Variants in TNXB observed in about 807,000 individuals in gnomAD.
The protein encoded by TNXB is tenascin-X.
TNXB carries 183 observed loss-of-function variants against 340.5 expected under a neutral mutation model. The observed-to-expected ratio is 0.54, with a 90% CI of 0.48 to 0.61. TNXB has a LOEUF of 0.61. Among genes scored for constraint, TNXB ranks in the 20% least tolerant of loss-of-function variants. TNXB has a pLI of 0.00. For synonymous variants in TNXB, 2,121 were observed against 2,314.5 expected, an observed-to-expected ratio of 0.92 and a Z score of 2.40; for missense variants, 4,613 against 5,446.4, an observed-to-expected ratio of 0.85 and a Z score of 4.82.
In TNXB at chr6:32,046,361, C is replaced by A; in HGVS notation, c.10420G>T (p.Gly3474Cys). Residue 3474 changes from glycine (G) to cysteine (C), a missense_variant, in exon 31 of 44, where the codon GGC (glycine) becomes TGC (cysteine). Physicochemically the swap from Gly to Cys is radical, Grantham distance 159. Around this residue, in one of 7 missense-constraint regions of TNXB, gnomAD observed 4,327 missense variants for 4,859.4 expected, o/e 0.89. Transcript: ENST00000644971. This position sits in a 1 kb window ranked among gnomAD's most constrained non-coding sequence, Gnocchi z 6.9. The part of the protein sequence containing the change: ...SLRLSWTVAQ[G>C]PFDSFVVQYR... ...TGGACCACGAAGGAGTCAAAGGGGC[C>A]CTGGGCTACCGTCCAGGACAGGCGC... 6.2e-7 allele frequency: 1 copy of A among 1,604,536 alleles called. No homozygotes were observed. Among genetic ancestry groups the A allele is most frequent in the South Asian group, 1.1e-5 (1 of 89,526 alleles).
chr6:32,076,310 G>A (rs1779077292), intron 11 of TNXB, among the ~76,000 whole-genome samples: 1 of 152,160 alleles, frequency 6.6e-6, no homozygotes, highest in Non-Finnish European at 1.5e-5. Flanking sequence ...ATTTAGAAGT[G>A]TGTCTAATGA....
Position 32,089,374 on chromosome 6 carries a change from C to T in TNXB, c.2364G>A (p.Glu788=). The T allele has an allele frequency of 6.2e-7, 1 of 1,605,366 alleles. No homozygotes were observed. The highest frequency in any genetic ancestry group is 8.5e-7 in the Non-Finnish European group (1 of 1,177,200). ...GTGCTGTGAATGGGGGGCTCGCCCC[C>T]TCTGTCTGTGAGAGAGAGCACCAGG... The part of the protein sequence containing the change: ...AYEIQFIPTT[E]GASPPFTARV... The change falls in exon 5 of 44, where the codon GAG becomes GAA. Residue 788 remains glutamate (E), a synonymous_variant. Transcript: ENST00000644971. This position sits in a 1 kb window ranked among gnomAD's most constrained non-coding sequence, Gnocchi z 6.2.
rs1777157215 is a variant in TNXB, at chr6:32,049,865, G to A, written c.9439+133C>T. On this transcript the variant is annotated intron_variant, in intron 27 of 43. Coordinates refer to ENST00000644971, the MANE Select transcript of TNXB (RefSeq NM_001365276.2). The surrounding 1 kb of genome is among the most constrained non-coding windows in gnomAD (Gnocchi z 4.5). ...TCAACCACATAGGAAGGCCCAAGGG[G>A]AGTCCCAGCCCCAGCCACAAGCAGT... The A allele has an allele frequency of 7.1e-7, 1 of 1,414,524 alleles. No individual in the cohort carries two copies. Among genetic ancestry groups the A allele is most frequent in the Non-Finnish European group, 9.7e-7 (1 of 1,034,730 alleles). 87.6% of individuals were successfully genotyped at this position (1,414,524 alleles called of 1,614,324 possible).
chr6:32,069,215 G>A lies in TNXB; in HGVS notation c.5588-79C>T. On this transcript the variant is annotated intron_variant, in intron 15 of 43. Coordinates refer to ENST00000644971, the MANE Select transcript of TNXB (RefSeq NM_001365276.2). The surrounding 1 kb of genome is among the most constrained non-coding windows in gnomAD (Gnocchi z 6.2). Reference sequence around the variant, plus strand: ...CTCTCAGGAGGAGTGAGGGAGGAGAGGGAGTGAGGGCAAGCAGTCAGCAAT... The same window carrying A: ...CTCTCAGGAGGAGTGAGGGAGGAGAAGGAGTGAGGGCAAGCAGTCAGCAAT... 1 of 1,395,490 alleles carries A rather than the reference G, an allele frequency of 7.2e-7. No individual in the cohort carries two copies. Among genetic ancestry groups the A allele is most frequent in the Non-Finnish European group, 9.7e-7 (1 of 1,035,750 alleles). The allele number at this position is 1,395,490 out of a possible 1,614,324, so 86.4% of individuals were successfully genotyped here.
rs1776962485 is a variant in TNXB, at chr6:32,047,415, T to C, written c.10324+319A>G. ...GAGTCCAGCGCCATTCCCAGCATTA[T>C]GCAGGTGAGGACACTGAGGTCCCGG... On this transcript the variant is annotated intron_variant, in intron 30 of 43. Coordinates refer to ENST00000644971, the MANE Select transcript of TNXB (RefSeq NM_001365276.2). The surrounding 1 kb of genome is among the most constrained non-coding windows in gnomAD (Gnocchi z 6.2). Among the ~76,000 whole-genome samples, 2 of 152,308 alleles carry C rather than the reference T, an allele frequency of 1.3e-5. No homozygotes were observed. The highest frequency in any genetic ancestry group is 6.5e-5 in the Admixed American group (1 of 15,306).
intron 23 of TNXB, among the ~76,000 whole-genome samples, 183 bp from the exon 24 acceptor site, chr6:32,056,357 G>A (rs567635929): frequency 6.6e-6 from 1 of 152,152 alleles, no homozygotes; most frequent in African/African-American, 2.4e-5. Flanking sequence ...TCCAGGGTCA[G>A]CTGTGGGGGA....
rs377379714 is a variant in TNXB at position 32,085,966 on chromosome 6, G to A, written c.2932C>T (p.Arg978Cys). The change falls in exon 7 of 44, where the codon CGT becomes TGT. Residue 978 changes from arginine to cysteine, a missense_variant. Arg to Cys is a radical substitution (Grantham distance 180). Coordinates refer to ENST00000644971, the MANE Select transcript of TNXB (RefSeq NM_001365276.2). The surrounding 1 kb of genome is among the most constrained non-coding windows in gnomAD (Gnocchi z 6.4). ...TCAGGCTGGGCGGTCCAGACCACAC[G>A]GAGGCGCCCTGTCTCATCTCTGCCC... ...VLGRDETGRLRVVWTAQPDTF... is the reference protein window; with the variant it reads ...VLGRDETGRLCVVWTAQPDTF... The A allele has an allele frequency of 9.3e-6, 15 of 1,607,956 alleles. No homozygotes were observed. The highest frequency in any genetic ancestry group is 8.9e-5 in the East Asian group (4 of 44,888).
chr6:32,072,272 C>A lies in TNXB; in HGVS notation c.4708G>T (p.Glu1570Ter). 1 of 1,603,978 alleles carries A rather than the reference C, an allele frequency of 6.2e-7. No individual in the cohort carries two copies. Among genetic ancestry groups the A allele is most frequent in the South Asian group, 1.1e-5 (1 of 89,864 alleles). Reference sequence around the variant, plus strand: ...GGCTCCAGGGGAGGCTTGGAGGCCTCTGTGGCTGGGGCTGGTGGGAGGGGA... The same window carrying A: ...GGCTCCAGGGGAGGCTTGGAGGCCTATGTGGCTGGGGCTGGTGGGAGGGGA... Reference protein sequence around the residue: ...TAPLPPAPATEASKPPLEPRL... With the variant: ...TAPLPPAPAT The change falls in exon 13 of 44, where the codon GAG becomes TAG. Residue 1570 changes from glutamate to a stop codon, truncating the protein, a stop_gained. Transcript: ENST00000644971. LOFTEE classifies it high-confidence loss of function. The surrounding 1 kb of genome is among the most constrained non-coding windows in gnomAD (Gnocchi z 4.4).
chr6:32,068,655 G>C lies in TNXB; in HGVS notation c.5955C>G (p.Pro1985=), dbSNP rs2151914872. 6.2e-7 allele frequency: 1 copy of C among 1,613,926 alleles called. No homozygotes were observed. The highest frequency in any genetic ancestry group is 8.5e-7 in the Non-Finnish European group (1 of 1,179,870). ...SEPPTATPEP[P]IKPRLGELTV... ...TCAGCTCCCCCAGGCGAGGCTTGAT[G>C]GGGGGCTCGGGGGTTGCGGTGGGAG... is the stretch of plus-strand genomic sequence containing the variant. The change falls in exon 17 of 44, where the codon CCC becomes CCG. Residue 1985 remains proline (P), a synonymous_variant. Transcript: ENST00000644971. The surrounding 1 kb of genome is among the most constrained non-coding windows in gnomAD (Gnocchi z 5.3).
chr6:32,095,491 G>A (rs1220459862), intron 3 of TNXB, 120 bp downstream of exon 3: 2 of 1,307,512 alleles, frequency 1.5e-6, no homozygotes, highest in African/African-American at 2.9e-5. Flanking sequence ...CCCCTGGTGG[G>A]CACTGGCTCC....
At position 32,046,289 on chromosome 6, in the gene TNXB, C is replaced by G; in HGVS notation, c.10492G>C (p.Asp3498His). The part of the protein sequence containing the change: ...GQPRAVPVAA[D>H]QRTVTVEDLE... ...TCCTCTACGGTGACTGTGCGCTGGT[C>G]TGCGGCCACAGGCACTGCCCTGGGC... Residue 3498 changes from aspartate to histidine, a missense_variant, in exon 31 of 44, where the codon GAC (aspartate) becomes CAC (histidine). Transcript: ENST00000644971. This position sits in a 1 kb window ranked among gnomAD's most constrained non-coding sequence, Gnocchi z 6.9. 1 of 1,606,742 alleles carries G rather than the reference C, an allele frequency of 6.2e-7. No homozygotes were observed. The highest frequency in any genetic ancestry group is 8.5e-7 in the Non-Finnish European group (1 of 1,178,180).
In TNXB at chr6:32,055,910, T is replaced by G. The variant is rs200755718; in HGVS notation, c.8408A>C (p.His2803Pro). 10 of 1,613,422 alleles carry G rather than the reference T, an allele frequency of 6.2e-6. No individual in the cohort carries two copies. The highest frequency in any genetic ancestry group is 5.9e-6 in the Non-Finnish European group (7 of 1,179,852). Reference sequence around the variant, plus strand: ...CCGCCCCTCGTGGAGGCCGTACAGGTGCATCTTGTATTTGCGCCCGGGCTC... The same window carrying G: ...CCGCCCCTCGTGGAGGCCGTACAGGGGCATCTTGTATTTGCGCCCGGGCTC... ...GLEPGRKYKM[H>P]LYGLHEGRRV... The change falls in exon 24 of 44, where the codon CAC becomes CCC. Residue 2803 changes from histidine (H) to proline (P), a missense_variant. His to Pro is a moderately conservative substitution (Grantham distance 77). Coordinates refer to ENST00000644971, the MANE Select transcript of TNXB (RefSeq NM_001365276.2).
Position 32,082,112 on chromosome 6 carries a change from G to C in TNXB, c.3660C>G (p.Asp1220Glu). 1 of 1,611,396 alleles carries C rather than the reference G, an allele frequency of 6.2e-7. No homozygotes were observed. Among genetic ancestry groups the C allele is most frequent in the Non-Finnish European group, 8.5e-7 (1 of 1,179,010 alleles). Residue 1220 changes from aspartate to glutamate, a missense_variant, in exon 9 of 44, where the codon GAC becomes GAG. By Grantham distance (45) the Asp-to-Glu change is conservative. Coordinates refer to ENST00000644971, the MANE Select transcript of TNXB (RefSeq NM_001365276.2). The surrounding 1 kb of genome is among the most constrained non-coding windows in gnomAD (Gnocchi z 5.0). The part of the protein sequence containing the change: ...RSFVVSSLDP[D>E]HKYRFTLFGI... ...CAAACAGAGTGAATCTGTACTTGTG[G>C]TCAGGGTCCAGTGAGGAGACAACAA... is the stretch of plus-strand genomic sequence containing the variant.
In TNXB at chr6:32,068,862, A is replaced by G. The variant is rs766530583; in HGVS notation, c.5862T>C (p.Asp1954=). The change falls in exon 16 of 44, where the codon GAT becomes GAC. Residue 1954 remains aspartate, a synonymous_variant. Transcript: ENST00000644971. This position sits in a 1 kb window ranked among gnomAD's most constrained non-coding sequence, Gnocchi z 5.3. The stretch of plus-strand genomic sequence containing the variant: ...CATGGACAGGACCTACATGCTTCCC[A>G]TCACTGAAACCATACAGGGTCACCA... The part of the protein sequence containing the change: ...RYLVTLYGFS[D]GKHVGPVHVE... The G allele has an allele frequency of 2.5e-6, 4 of 1,611,892 alleles. No individual in the cohort carries two copies. Among genetic ancestry groups the G allele is most frequent in the Admixed American group, 1.7e-5 (1 of 60,014 alleles).
intron 21 of TNXB, among the ~76,000 whole-genome samples, chr6:32,059,418 C>CAAAAAAAAAAAA (rs571985819): frequency 2.7e-5 from 1 of 36,526 alleles, no homozygotes; most frequent in African/African-American, 1.1e-4. Flanking sequence ...GACTCAGTCT[C>CAAAAAAAAAAAA]AAAAAAAAAA....
Position 32,096,210 on chromosome 6 carries a change from C to A in TNXB, c.1643G>T (p.Gly548Val). The change falls in exon 3 of 44, where the codon GGC becomes GTC. Residue 548 changes from glycine to valine, a missense_variant. Around this residue, in one of 7 missense-constraint regions of TNXB, gnomAD observed 4,327 missense variants for 4,859.4 expected, o/e 0.89. Coordinates refer to ENST00000644971, the MANE Select transcript of TNXB (RefSeq NM_001365276.2). ...CEDGVCVCDA[G>V]YSGEDCSTRS... ...CGTGCTGCAGTCTTCCCCTGAGTAG[C>A]CTGCGTCACACACGCACACGCCATC... The A allele has an allele frequency of 1.9e-6, 3 of 1,568,562 alleles. No individual in the cohort carries two copies. Among genetic ancestry groups the A allele is most frequent in the Non-Finnish European group, 1.7e-6 (2 of 1,160,006 alleles).
In TNXB at chr6:32,084,751, C is replaced by T. The variant is rs1172733558; in HGVS notation, c.3149-42G>A. 8.1e-6 allele frequency: 12 copies of T among 1,484,448 alleles called. No homozygotes were observed. Among genetic ancestry groups the T allele is most frequent in the South Asian group, 1.4e-5 (1 of 71,528 alleles). 92.0% of individuals were successfully genotyped at this position (1,484,448 alleles called of 1,614,324 possible). On this transcript the variant is annotated intron_variant, in intron 7 of 43. Coordinates refer to ENST00000644971, the MANE Select transcript of TNXB (RefSeq NM_001365276.2). This position sits in a 1 kb window ranked among gnomAD's most constrained non-coding sequence, Gnocchi z 5.5. ...AAAAGCAAAGCATAGTGGACTCAAC[C>T]GTTCTCTTGTCTGTGTCTCCTTCCC... is the stretch of plus-strand genomic sequence containing the variant.
chr6:32,048,935 G>A (rs1777078752), intron 28 of TNXB, among the ~76,000 whole-genome samples: 1 of 152,170 alleles, frequency 6.6e-6, no homozygotes, highest in African/African-American at 2.4e-5. Context: ...ACATTCGAAG[G>A]CACATGCAGA....
chr6:32,073,969 A>C lies in TNXB; in HGVS notation c.4376-17T>G. 1 of 1,561,616 alleles carries C rather than the reference A, an allele frequency of 6.4e-7. No homozygotes were observed. Among genetic ancestry groups the C allele is most frequent in the Non-Finnish European group, 8.7e-7 (1 of 1,150,730 alleles). ...GTTGTGGGGCTGGGACAGAGATGGT[A>C]GGGGGCTGTTAGTAAAGAATCCCCC... On this transcript the variant is annotated splice_polypyrimidine_tract_variant and intron_variant, in intron 11 of 43. Transcript: ENST00000644971. The surrounding 1 kb of genome is among the most constrained non-coding windows in gnomAD (Gnocchi z 4.6).
Sources: allele counts gnomAD v4.1 joint callset (sites outside exome capture counted in the v4.1 genomes callset), GRCh38; gene constraint gnomAD v4.1.1; regional missense constraint gnomAD v4.1.1; non-coding constraint Gnocchi (gnomAD v3.1); transcripts MANE v1.5; gene names NCBI Gene and HGNC (gene_info 2026-07-23, HGNC 2026-07-21).